The following RNF169 variants were observed in gnomAD, a reference collection of about 807,000 sequenced individuals.
The protein encoded by RNF169 is ring finger protein 169, also known as E3 ubiquitin-protein ligase RNF169.
RNF169 carries 24 observed loss-of-function variants against 53.9 expected under a neutral mutation model. The observed-to-expected ratio is 0.45, with a 90% CI of 0.32 to 0.63. The LOEUF (loss-of-function observed/expected upper bound fraction) is 0.63. Ranked by LOEUF, RNF169 falls within the 20% of genes least tolerant of loss-of-function variation. The pLI is 0.04. For missense variants in RNF169, 883 were observed against 906.2 expected, an observed-to-expected ratio of 0.97 and a Z score of 0.33; for synonymous variants, 396 against 363.5, an observed-to-expected ratio of 1.09 and a Z score of -1.02.
intron 1 of RNF169, among the ~76,000 whole-genome samples, chr11:74,759,827 A>G (rs1743437329): frequency 6.6e-6 from 1 of 151,784 alleles, no homozygotes; most frequent in African/African-American, 2.4e-5. Context: ...GGCCTCATCA[A>G]ATGAGTTAGG....
At chr11:74,780,516 G>T (rs1051447341) in intron 1 of RNF169, among the ~76,000 whole-genome samples, 3 of 152,180 alleles carry the variant, frequency 2.0e-5, no homozygotes, top group African/African-American at 7.2e-5. Flanking sequence ...TTGCCTTTAA[G>T]AATTCAGCCT....
At chr11:74,758,600 C>T (rs2015212208) in intron 1 of RNF169, among the ~76,000 whole-genome samples, 1 of 151,494 alleles carries the variant, frequency 6.6e-6, no homozygotes, top group African/African-American at 2.4e-5. Context: ...CTCCCGGTTT[C>T]ACGCCATTCT....
intron 1 of RNF169, among the ~76,000 whole-genome samples, chr11:74,777,411 A>G (rs2035352007): frequency 1.3e-5 from 2 of 152,190 alleles, no homozygotes; most frequent in South Asian, 4.1e-4. Context: ...TGGTCTGCCT[A>G]GGATAAAAGG....
chr11:74,784,847 T>A (rs1027290297), intron 1 of RNF169, among the ~76,000 whole-genome samples: 11 of 152,310 alleles, frequency 7.2e-5, no homozygotes, highest in African/African-American at 2.2e-4. Flanking sequence ...GATAGACATC[T>A]TCTCCCACTG....
intron 1 of RNF169, among the ~76,000 whole-genome samples, chr11:74,756,509 T>A (rs1338542567): frequency 2.6e-5 from 4 of 152,236 alleles, no homozygotes; most frequent in African/African-American, 9.6e-5. Flanking sequence ...ATGCTTGGTA[T>A]ATGAAGAGCT....
chr11:74,793,772 T>C (rs1236520024), intron 2 of RNF169, among the ~76,000 whole-genome samples: 4 of 152,226 alleles, frequency 2.6e-5, no homozygotes, highest in African/African-American at 9.6e-5. Flanking sequence ...TCTTTCTGCA[T>C]GTGTTGTAGT....
At chr11:74,776,362 A>G (rs911593710) in intron 1 of RNF169, among the ~76,000 whole-genome samples, 1 of 152,138 alleles carries the variant, frequency 6.6e-6, no homozygotes, top group Admixed American at 6.5e-5. Flanking sequence ...ATTAAAGTTG[A>G]TGATAATGAG....
intron 1 of RNF169, among the ~76,000 whole-genome samples, chr11:74,768,609 A>T (rs577796794): frequency 2.0e-5 from 3 of 151,524 alleles, no homozygotes; most frequent in Non-Finnish European, 3.0e-5. Context: ...TCTGTCTTAA[A>T]AAAAAAAAAA....
chr11:74,753,764 G>A lies in RNF169; in HGVS notation c.502+4382G>A, dbSNP rs556419426. Among the ~76,000 whole-genome samples the A allele has an allele frequency of 3.3e-5, 5 of 152,118 alleles. No homozygotes were observed. In the East Asian group the frequency reaches 9.6e-4, roughly 29 times the overall value. On this transcript the variant is annotated intron_variant, in intron 1 of 5. Transcript: ENST00000299563. ...GAAGTCCAGTGCCTCTTTAGGAATT[G>A]CTTTGTGGAAAAAGTGTAAAGAGTT...
At chr11:74,823,402 AT>A (rs1222931796) in intron 4 of RNF169, among the ~76,000 whole-genome samples, 2 of 152,184 alleles carry the variant, frequency 1.3e-5, no homozygotes, top group Non-Finnish European at 2.9e-5. Flanking sequence ...CTGGAAACTA[AT>A]CAAAAGTTTA....
intron 1 of RNF169, among the ~76,000 whole-genome samples, chr11:74,770,360 T>C (rs1488576990): frequency 2.0e-5 from 3 of 152,252 alleles, no homozygotes; most frequent in African/African-American, 7.2e-5. Flanking sequence ...GCTGGAAATA[T>C]TTATCTCATC....
At chr11:74,826,800 C>G (rs1220980529) in intron 4 of RNF169, among the ~76,000 whole-genome samples, 1 of 152,246 alleles carries the variant, frequency 6.6e-6, no homozygotes, top group East Asian at 1.9e-4. Context: ...TCCTTTGACT[C>G]CATGTCTCAC....
At chr11:74,768,906 G>T (rs938618639) in intron 1 of RNF169, among the ~76,000 whole-genome samples, 13 of 152,034 alleles carry the variant, frequency 8.6e-5, no homozygotes, top group Non-Finnish European at 1.8e-4. Context: ...ATTTAGGCAG[G>T]CATGGTGGGG....
chr11:74,818,460 A>G (rs2035967944), intron 4 of RNF169, among the ~76,000 whole-genome samples: 1 of 151,928 alleles, frequency 6.6e-6, no homozygotes, highest in Admixed American at 6.6e-5. Context: ...TTGGGCAATC[A>G]TGGTTCACTG....
intron 1 of RNF169, among the ~76,000 whole-genome samples, chr11:74,761,798 C>T (rs1271593818): frequency 2.0e-5 from 3 of 146,828 alleles, no homozygotes; most frequent in Middle Eastern, 3.4e-3. Flanking sequence ...TTGCTCTTCT[C>T]GAGGAGTATC....
chr11:74,798,068 G>A (rs533433009), intron 2 of RNF169, among the ~76,000 whole-genome samples: 153 of 152,108 alleles, frequency 1.0e-3, no homozygotes, highest in African/African-American at 3.3e-3. Flanking sequence ...GATGTATGTC[G>A]CCTCAGGACC....
At chr11:74,819,977 C>G (rs1456436029) in intron 4 of RNF169, among the ~76,000 whole-genome samples, 1 of 152,100 alleles carries the variant, frequency 6.6e-6, no homozygotes, top group Non-Finnish European at 1.5e-5. Flanking sequence ...GCTGTGCGTT[C>G]TATACAGTGT....
At chr11:74,824,708 T>C (rs1017208395) in intron 4 of RNF169, among the ~76,000 whole-genome samples, 5 of 152,184 alleles carry the variant, frequency 3.3e-5, no homozygotes, top group African/African-American at 1.2e-4. Context: ...GCACATGCTG[T>C]TGGAAAAATG....
At chr11:74,825,043 G>C (rs933447262) in intron 4 of RNF169, among the ~76,000 whole-genome samples, 11 of 152,200 alleles carry the variant, frequency 7.2e-5, no homozygotes, top group Admixed American at 2.0e-4. Context: ...GTAAACAAGA[G>C]AGCTGGAGTA....
Sources: gnomAD v4.1 joint callset for allele counts (sites outside exome capture counted in the v4.1 genomes callset) on GRCh38, gnomAD v4.1.1 for gene constraint, MANE v1.5 for transcripts, NCBI Gene and HGNC (gene_info 2026-07-23, HGNC 2026-07-21) for gene names.